SMYD3: variants seen among roughly 807,000 people sequenced by gnomAD.
The protein encoded by SMYD3 is SET and MYND domain containing 3, also known as histone-lysine N-methyltransferase SMYD3.
A neutral mutation model predicts 57.7 loss-of-function variants in SMYD3; 36 were observed. The ratio of observed to expected loss-of-function variants is 0.62; its 90% CI spans 0.48 to 0.82. The LOEUF (loss-of-function observed/expected upper bound fraction) is 0.82. Ranked by LOEUF, SMYD3 falls within the 40% of genes least tolerant of loss-of-function variation. The pLI is 0.00. For missense variants in SMYD3, 515 were observed against 538.8 expected (o/e 0.96, Z 0.44); for synonymous variants, 211 against 195.0 (o/e 1.08, Z -0.68).
intron 2 of SMYD3, among the ~76,000 whole-genome samples, chr1:246,338,791 C>T (rs1485722768): frequency 1.3e-5 from 2 of 152,258 alleles, no homozygotes; most frequent in Non-Finnish European, 1.5e-5. Context: ...ACTCATTAAC[C>T]ACACCAGTAG....
At chr1:245,789,478 T>C (rs2047178813) in intron 10 of SMYD3, among the ~76,000 whole-genome samples, 1 of 152,206 alleles carries the variant, frequency 6.6e-6, no homozygotes. Context: ...CCACAGTCAA[T>C]ATTTGATTAT....
chr1:246,315,962 C>A (rs1346311814), intron 5 of SMYD3, among the ~76,000 whole-genome samples: 1 of 152,150 alleles, frequency 6.6e-6, no homozygotes, highest in Non-Finnish European at 1.5e-5. Context: ...CTGCCTATTA[C>A]AAAATTTAAT....
rs1326844142 is a variant in SMYD3 at position 246,231,630 on chromosome 1, A to G, written c.531+95571T>C. Reference sequence around the variant, plus strand: ...TCAAAATAACATCACGAAACATTTCATAATATCCTAGAGATAGTATCTCTT... The same window carrying G: ...TCAAAATAACATCACGAAACATTTCGTAATATCCTAGAGATAGTATCTCTT... On this transcript the variant is annotated intron_variant, in intron 5 of 11. Coordinates refer to ENST00000490107, the MANE Select transcript of SMYD3 (RefSeq NM_001167740.2). 3.3e-5 allele frequency among the ~76,000 whole-genome samples: 5 copies of G among 152,348 alleles called. No homozygotes were observed. In the East Asian group the frequency reaches 9.6e-4, roughly 29 times the overall value.
chr1:245,888,327 G>A (rs2053196828), intron 8 of SMYD3, among the ~76,000 whole-genome samples: 1 of 152,196 alleles, frequency 6.6e-6, no homozygotes, highest in Admixed American at 6.5e-5. Context: ...GACAAAGATA[G>A]TATGTTAAGT....
chr1:246,451,412 A>C (rs745994404), intron 1 of SMYD3, among the ~76,000 whole-genome samples: 4 of 152,252 alleles, frequency 2.6e-5, no homozygotes, highest in African/African-American at 7.2e-5. Flanking sequence ...TACGATTCCA[A>C]CTGTATGACA....
At chr1:246,407,109 G>A (rs2066878524) in intron 1 of SMYD3, among the ~76,000 whole-genome samples, 2 of 152,118 alleles carry the variant, frequency 1.3e-5, no homozygotes, top group African/African-American at 4.8e-5. Context: ...TAATTGGGGG[G>A]TACCATCACT....
chr1:246,123,922 C>T (rs1419548464), intron 5 of SMYD3, among the ~76,000 whole-genome samples: 1 of 152,150 alleles, frequency 6.6e-6, no homozygotes, highest in Non-Finnish European at 1.5e-5. Context: ...AGCCTTTCTT[C>T]CTATCAACGC....
chr1:246,170,680 G>C (rs1258965870), intron 5 of SMYD3, among the ~76,000 whole-genome samples: 1 of 151,942 alleles, frequency 6.6e-6, no homozygotes, highest in African/African-American at 2.4e-5. Context: ...GTTCATTTTT[G>C]TCAAATGGCA....
intron 1 of SMYD3, among the ~76,000 whole-genome samples, chr1:246,453,174 G>A (rs1000673110): frequency 9.9e-5 from 15 of 152,212 alleles, no homozygotes; most frequent in African/African-American, 2.4e-5. Flanking sequence ...GAGAACATAA[G>A]TAGCTTGCGC....
rs568977890 is a variant in SMYD3 at position 246,171,727 on chromosome 1, A to T, written c.531+155474T>A. Among the ~76,000 whole-genome samples, 11 of 152,340 alleles carry T rather than the reference A, an allele frequency of 7.2e-5. No individual in the cohort carries two copies. The South Asian group carries it at 1.9e-3, about 26-fold the overall frequency. On this transcript the variant is annotated intron_variant, in intron 5 of 11. Coordinates refer to ENST00000490107, the MANE Select transcript of SMYD3 (RefSeq NM_001167740.2). ...AAGAGGTACAATAAAAATACAGTAT[A>T]AGGTTGGGCATGGTGGCTCATGCCT... is the stretch of plus-strand genomic sequence containing the variant.
At chr1:246,196,569 A>G (rs2062832825) in intron 5 of SMYD3, among the ~76,000 whole-genome samples, 1 of 152,234 alleles carries the variant, frequency 6.6e-6, no homozygotes, top group Non-Finnish European at 1.5e-5. Context: ...ATGTTTTTAG[A>G]AATGTTCTTC....
At chr1:245,907,972 C>T (rs1200276023) in intron 8 of SMYD3, among the ~76,000 whole-genome samples, 1 of 152,132 alleles carries the variant, frequency 6.6e-6, no homozygotes, top group African/African-American at 2.4e-5. Context: ...CCTGTCTCTA[C>T]TAAAAATATA....
At chr1:246,187,448 A>C (rs1048987633) in intron 5 of SMYD3, among the ~76,000 whole-genome samples, 1 of 152,208 alleles carries the variant, frequency 6.6e-6, no homozygotes, top group Non-Finnish European at 1.5e-5. Flanking sequence ...AGAGAACAGA[A>C]AGCAAGGAAT....
chr1:246,022,529 T>C (rs1239041269), intron 5 of SMYD3, among the ~76,000 whole-genome samples: 1 of 152,116 alleles, frequency 6.6e-6, no homozygotes, highest in African/African-American at 2.4e-5. Flanking sequence ...ATATAAAGAG[T>C]TTAGTAAAAC....
chr1:245,803,045 C>T (rs2047950100), intron 10 of SMYD3, among the ~76,000 whole-genome samples: 1 of 152,238 alleles, frequency 6.6e-6, no homozygotes, highest in South Asian at 2.1e-4. Context: ...ATGTTCAAGA[C>T]TCACAGGGCT....
intron 5 of SMYD3, among the ~76,000 whole-genome samples, chr1:246,284,704 C>T (rs900109330): frequency 4.6e-5 from 7 of 152,194 alleles, no homozygotes; most frequent in Non-Finnish European, 8.8e-5. Context: ...GCATGAGCCA[C>T]CGCGCCCAGC....
chr1:246,348,698 G>T (rs948697740), intron 2 of SMYD3, among the ~76,000 whole-genome samples: 1 of 151,960 alleles, frequency 6.6e-6, no homozygotes, highest in African/African-American at 2.4e-5. Flanking sequence ...GAAACCTCAG[G>T]ATCACACAGT....
At chr1:246,028,956 G>A (rs1350591911) in intron 5 of SMYD3, among the ~76,000 whole-genome samples, 3 of 152,150 alleles carry the variant, frequency 2.0e-5, no homozygotes, top group Non-Finnish European at 4.4e-5. Flanking sequence ...ATTGTAAAAT[G>A]TGTCAAGAAA....
At chr1:246,430,774 A>C (rs113115345) in intron 1 of SMYD3, among the ~76,000 whole-genome samples, 9,032 of 152,216 alleles carry the variant, frequency 0.059, 291 homozygotes, top group Middle Eastern at 0.17. Context: ...TCTTAGGAGG[A>C]TCTGACATGC....
Sources: gnomAD v4.1 joint callset for allele counts (sites outside exome capture counted in the v4.1 genomes callset) on GRCh38, gnomAD v4.1.1 for gene constraint, MANE v1.5 for transcripts, NCBI Gene and HGNC (gene_info 2026-07-23, HGNC 2026-07-21) for gene names.